Variants in SRM observed in about 807,000 individuals in gnomAD.
SRM encodes the protein spermidine synthase.
SRM carries 14 observed loss-of-function variants against 39.3 expected under a neutral mutation model. That is an observed-to-expected ratio of 0.36 (90% confidence interval 0.24 to 0.56). The LOEUF (loss-of-function observed/expected upper bound fraction) is 0.56. SRM is among the 20% of genes least tolerant of loss of function. The pLI is 0.86. For missense variants in SRM, 244 were observed against 409.2 expected (o/e 0.60, Z 3.48); for synonymous variants, 195 against 173.1 (o/e 1.13, Z -0.99).
Position 11,054,912 on chromosome 1 carries a change from G to A in SRM, c.889-27C>T, listed in dbSNP as rs778767166. On this transcript the variant is annotated intron_variant, in intron 7 of 7. Transcript: ENST00000376957. The surrounding 1 kb of genome is among the most constrained non-coding windows in gnomAD (Gnocchi z 4.8). ...TGGAGGGACATGAGGCCAGTCAGGA[G>A]GGCGCTCTGGGTCCCTGGGTCCCAC... 3 of 1,611,748 alleles carry A rather than the reference G, an allele frequency of 1.9e-6. No individual in the cohort carries two copies. The highest frequency in any genetic ancestry group is 2.2e-5 in the East Asian group (1 of 44,856).
At chr1:11,055,165 T>C in intron 6 of SRM, 81 bp from the exon 7 acceptor site, 1 of 1,483,646 alleles carries the variant, frequency 6.7e-7, no homozygotes, top group South Asian at 1.4e-5. Context: ...GTTGCCACGC[T>C]GGAGTGCAGT....
In SRM at chr1:11,059,955, G is replaced by GGGC; in HGVS notation, c.-15_-13dup. ...GGGCCGGGCTCCATGGCGGGCGGGCGGGCGGCGCGGGGCGCGGGCCCGGGA... is the reference window on the plus strand; with the variant it reads ...GGGCCGGGCTCCATGGCGGGCGGGCGGGCGGCGGCGCGGGGCGCGGGCCCGGGA... On this transcript the variant is annotated 5_prime_UTR_variant, in exon 1 of 8. Transcript: ENST00000376957. The GGGC allele has an allele frequency of 1.0e-6, 1 of 1,001,622 alleles. No homozygotes were observed. The highest frequency in any genetic ancestry group is 4.5e-5 in the South Asian group (1 of 22,208). The allele number at this position is 1,001,622 out of a possible 1,614,324, so 62.0% of individuals were successfully genotyped here. A position where few individuals can be genotyped will look rare whatever the true frequency, so the allele number is the denominator to read the frequency against.
chr1:11,059,288 G>A lies in SRM; in HGVS notation c.225C>T (p.Asp75=), dbSNP rs1638934939. 1 of 1,613,548 alleles carries A rather than the reference G, an allele frequency of 6.2e-7. No homozygotes were observed. The highest frequency in any genetic ancestry group is 8.5e-7 in the Non-Finnish European group (1 of 1,179,992). Residue 75 remains aspartate, a synonymous_variant, in exon 2 of 8, where the codon GAC becomes GAT. Coordinates refer to ENST00000376957, the MANE Select transcript of SRM (RefSeq NM_003132.3). ...CGATCATCTCCTGGTAGGAGAACTC[G>A]TCTCTCTCCGTGCACTGGATGACAC... ...LDGVIQCTER[D]EFSYQEMIAN... is the part of the protein sequence containing the mutation.
rs1231163264 is a variant in SRM at position 11,055,726 on chromosome 1, CTCTATT to C, written c.765+49_765+54del. The C allele has an allele frequency of 3.9e-6, 6 of 1,525,078 alleles. No individual in the cohort carries two copies. The African/African-American group carries it at 8.3e-5, about 21-fold the overall frequency. The allele number at this position is 1,525,078 out of a possible 1,614,324, so 94.5% of individuals were successfully genotyped here. On this transcript the variant is annotated intron_variant, in intron 6 of 7. Coordinates refer to ENST00000376957, the MANE Select transcript of SRM (RefSeq NM_003132.3). ...CACCGCGCCCGGCAGGGGCAGGGAT[CTCTATT>C]TATGCCCACCTTCCCCCCAACCCCC...
Position 11,055,848 on chromosome 1 carries a change from T to G in SRM, c.698A>C (p.Tyr233Ser). The G allele has an allele frequency of 6.4e-7, 1 of 1,562,904 alleles. No homozygotes were observed. Residue 233 changes from tyrosine (Y) to serine (S), a missense_variant, in exon 6 of 8, where the codon TAT becomes TCT. Tyr to Ser is a moderately radical substitution (Grantham distance 144, BLOSUM62 -2). Transcript: ENST00000376957. ...FCQSLFPVVA[Y>S]AYCTIPTYPS... Reference sequence around the variant, plus strand: ...GTAGGTGGGGATGGTGCAGTAGGCATAGGCCACCACGGGGAACAGGGACTG... The same window carrying G: ...GTAGGTGGGGATGGTGCAGTAGGCAGAGGCCACCACGGGGAACAGGGACTG...
intron 1 of SRM, 46 bp downstream of exon 1, chr1:11,059,731 C>A: frequency 6.5e-7 from 1 of 1,543,204 alleles, no homozygotes; most frequent in Non-Finnish European, 8.7e-7. Flanking sequence ...CAGCAGGCGG[C>A]CCGGGCTGAG....
Position 11,056,056 on chromosome 1 carries a change from G to A in SRM, c.574C>T (p.Leu192Phe), listed in dbSNP as rs1638873606. 4 of 1,613,146 alleles carry A rather than the reference G, an allele frequency of 2.5e-6. No individual in the cohort carries two copies. The South Asian group carries it at 4.4e-5, about 18-fold the overall frequency. ...ESLFKESYYQ[L>F]MKTALKEDGV... is the part of the protein sequence containing the mutation. ...TCTTCCTTGAGGGCTGTCTTCATGA[G>A]CTGGTAATAGGACTCCTTGAAGAGA... The change falls in exon 5 of 8, where the codon CTC (leucine) becomes TTC (phenylalanine). Residue 192 changes from leucine (L) to phenylalanine (F), a missense_variant. Transcript: ENST00000376957.
At position 11,055,880 on chromosome 1, in the gene SRM, C is replaced by T; in HGVS notation, c.666G>A (p.Gln222=). The change falls in exon 6 of 8, where the codon CAG becomes CAA. Residue 222 remains glutamine (Q), a synonymous_variant. Transcript: ENST00000376957. ...CCACGGGGAACAGGGACTGGCAGAA[C>T]TGCCGCATCTCCTTGATGAGGTCCA... is the stretch of plus-strand genomic sequence containing the variant. The part of the protein sequence containing the change: ...LHLDLIKEMR[Q]FCQSLFPVVA... 2 of 1,611,288 alleles carry T rather than the reference C, an allele frequency of 1.2e-6. No homozygotes were observed. The highest frequency in any genetic ancestry group is 1.7e-4 in the Middle Eastern group (1 of 6,050).
In SRM at chr1:11,055,903, C is replaced by G; in HGVS notation, c.643G>C (p.Asp215His). 1.2e-6 allele frequency: 2 copies of G among 1,605,708 alleles called. No homozygotes were observed. The highest frequency in any genetic ancestry group is 1.7e-6 in the Non-Finnish European group (2 of 1,174,416). Residue 215 changes from aspartate to histidine, a missense_variant, in exon 6 of 8, where the codon GAC (aspartate) becomes CAC (histidine). Asp to His is a moderately conservative substitution (Grantham distance 81). Coordinates refer to ENST00000376957, the MANE Select transcript of SRM (RefSeq NM_003132.3). The part of the protein sequence containing the change: ...CQGECQWLHL[D>H]LIKEMRQFCQ... ...AACTGCCGCATCTCCTTGATGAGGTCCAGGTGCAGCCACTGGCACTCGCCT... is the reference window on the plus strand; with the variant it reads ...AACTGCCGCATCTCCTTGATGAGGTGCAGGTGCAGCCACTGGCACTCGCCT...
At position 11,055,993 on chromosome 1, in the gene SRM, T is replaced by C. The variant is rs766182460; in HGVS notation, c.619+18A>G. The C allele has an allele frequency of 6.4e-7, 1 of 1,551,530 alleles. No individual in the cohort carries two copies. Among genetic ancestry groups the C allele is most frequent in the Non-Finnish European group, 8.9e-7 (1 of 1,127,930 alleles). ...GCCCCACCCCGCCCCGCCCCAGTGC[T>C]CCAGGCCTGTGGCTCACCCTGGCAG... On this transcript the variant is annotated intron_variant, in intron 5 of 7. Transcript: ENST00000376957.
rs753265658 is a variant in SRM, at chr1:11,056,775, G to A, written c.382-18C>T. 12 of 1,613,716 alleles carry A rather than the reference G, an allele frequency of 7.4e-6. 1 individual carries two copies. The African/African-American group carries it at 1.3e-4, about 18-fold the overall frequency. ...ATGACATCCTGGAGGGGATGGGAGGGACCAGTCTGGGCCAAGGGGCTGGGG... is the reference window on the plus strand; with the variant it reads ...ATGACATCCTGGAGGGGATGGGAGGAACCAGTCTGGGCCAAGGGGCTGGGG... On this transcript the variant is annotated intron_variant, in intron 3 of 7. Coordinates refer to ENST00000376957, the MANE Select transcript of SRM (RefSeq NM_003132.3).
In SRM at chr1:11,057,452, C is replaced by T. The variant is rs573069084; in HGVS notation, c.382-695G>A. On this transcript the variant is annotated intron_variant, in intron 3 of 7. Transcript: ENST00000376957. ...GGGATTACAGGCGCACGCCACCAAG[C>T]TGGGCCATTTTTTTTTTTTTTTTTT... Among the ~76,000 whole-genome samples the T allele has an allele frequency of 3.1e-4, 46 of 149,352 alleles. No homozygotes were observed. In the South Asian group the frequency reaches 8.1e-3, roughly 26 times the overall value.
At position 11,055,758 on chromosome 1, in the gene SRM, AC is replaced by A. The variant is rs1557682586; in HGVS notation, c.765+22del. On this transcript the variant is annotated intron_variant, in intron 6 of 7. Coordinates refer to ENST00000376957, the MANE Select transcript of SRM (RefSeq NM_003132.3). Reference sequence around the variant, plus strand: ...TATGCCCACCTTCCCCCCAACCCCCACCCCCAGACACCCCCATCTCACCGGG... The same window carrying A: ...TATGCCCACCTTCCCCCCAACCCCCACCCCAGACACCCCCATCTCACCGGG... 1.1e-5 allele frequency: 8 copies of A among 748,576 alleles called. No individual in the cohort carries two copies. The South Asian group carries it at 1.2e-4, about 12-fold the overall frequency. 46.4% of individuals were successfully genotyped at this position (748,576 alleles called of 1,614,324 possible). A position where few individuals can be genotyped will look rare whatever the true frequency, so the allele number is the denominator to read the frequency against.
At chr1:11,059,431 C>A in intron 1 of SRM, 86 bp from the exon 2 acceptor site, 1 of 1,579,200 alleles carries the variant, frequency 6.3e-7, no homozygotes, top group Non-Finnish European at 8.6e-7. Context: ...GAGGGTCTCC[C>A]CATCCCGCCT....
rs2100923606 is a variant in SRM, at chr1:11,058,832, C to T, written c.349G>A (p.Val117Met). 1 of 1,611,776 alleles carries T rather than the reference C, an allele frequency of 6.2e-7. No individual in the cohort carries two copies. Residue 117 changes from valine (V) to methionine (M), a missense_variant, in exon 3 of 8, where the codon GTG becomes ATG. Transcript: ENST00000376957. The part of the protein sequence containing the change: ...VLREVVKHPS[V>M]ESVVQCEIDE... ...ATCTCACACTGGACCACGGACTCCA[C>T]GGAGGGGTGCTTCACCACCTCCCGC...
At chr1:11,058,090 C>T (rs1638911403) in intron 3 of SRM, among the ~76,000 whole-genome samples, 2 of 152,092 alleles carry the variant, frequency 1.3e-5, no homozygotes, top group South Asian at 4.2e-4. Flanking sequence ...TCTGATGTCT[C>T]CTTTAACTAG....
At position 11,059,971 on chromosome 1, in the gene SRM, G is replaced by GGGCCCGGGACTGCAGGCCGCGCGGCGCC; in HGVS notation, c.-56_-29dup. The GGGCCCGGGACTGCAGGCCGCGCGGCGCC allele has an allele frequency of 6.1e-6, 6 of 981,480 alleles. No homozygotes were observed. Among genetic ancestry groups the GGGCCCGGGACTGCAGGCCGCGCGGCGCC allele is most frequent in the Non-Finnish European group, 7.2e-6 (6 of 827,588 alleles). 60.8% of individuals were successfully genotyped at this position (981,480 alleles called of 1,614,324 possible). A position where few individuals can be genotyped will look rare whatever the true frequency, so the allele number is the denominator to read the frequency against. ...CGGGCGGGCGGGCGGCGCGGGGCGC[G>GGGCCCGGGACTGCAGGCCGCGCGGCGCC]GGCCCGGGACTGCAGGCCGCGCGGC... is the stretch of plus-strand genomic sequence containing the variant. On this transcript the variant is annotated 5_prime_UTR_variant, in exon 1 of 8. Transcript: ENST00000376957.
Position 11,059,800 on chromosome 1 carries a change from G to A in SRM, c.144C>T (p.Tyr48=). ...ACCTGCGGAAGACGAGGATGTCCTG[G>A]TAGCGCGAGCGCCGGTGGTGGAGCA... ...EQLLHHRRSR[Y]QDILVFRSKT... is the part of the protein sequence containing the mutation. Residue 48 remains tyrosine (Y), a synonymous_variant, in exon 1 of 8, where the codon TAC becomes TAT. Coordinates refer to ENST00000376957, the MANE Select transcript of SRM (RefSeq NM_003132.3). 6.3e-7 allele frequency: 1 copy of A among 1,579,308 alleles called. No homozygotes were observed.
At position 11,057,191 on chromosome 1, in the gene SRM, G is replaced by A. The variant is rs373563601; in HGVS notation, c.382-434C>T. On this transcript the variant is annotated intron_variant, in intron 3 of 7. Transcript: ENST00000376957. ...AACCTCAGTTTATAATGTGTAAAGC[G>A]GGGAGAACTCTGGTACCTCCATTTC... Among the ~76,000 whole-genome samples the A allele has an allele frequency of 5.3e-4, 80 of 152,146 alleles. 1 individual carries two copies. In the East Asian group the frequency reaches 7.5e-3, roughly 14 times the overall value.
Sources: allele counts gnomAD v4.1 joint callset (sites outside exome capture counted in the v4.1 genomes callset), GRCh38; gene constraint gnomAD v4.1.1; non-coding constraint Gnocchi (gnomAD v3.1); transcripts MANE v1.5; gene names NCBI Gene and HGNC (gene_info 2026-07-23, HGNC 2026-07-21).